MACF1: variants seen among roughly 807,000 people sequenced by gnomAD.
MACF1 encodes microtubule-actin cross-linking factor 1.
A neutral mutation model predicts 854.8 loss-of-function variants in MACF1; 193 were observed. That is an observed-to-expected ratio of 0.23 (90% CI 0.20 to 0.25). The LOEUF is 0.25. Among genes scored for constraint, MACF1 ranks in the 10% least tolerant of loss-of-function variants. The probability of loss-of-function intolerance (pLI) is 1.00; values close to 1 mark genes in which losing one functional copy is unlikely to be tolerated. For synonymous variants in MACF1, 3,185 were observed against 3,226.7 expected, an observed-to-expected ratio of 0.99 and a Z score of 0.44; for missense variants, 7,722 against 8,929.1, an observed-to-expected ratio of 0.86 and a Z score of 5.45.
At chr1:39,323,878 T>C (rs1646561079) in intron 33 of MACF1, among the ~76,000 whole-genome samples, 1 of 152,210 alleles carries the variant, frequency 6.6e-6, no homozygotes, top group African/African-American at 2.4e-5. Context: ...CTAAGAATTA[T>C]GAAAATGAGT....
chr1:39,178,311 G>GT (rs1644059596), intron 2 of MACF1, among the ~76,000 whole-genome samples: 1 of 150,884 alleles, frequency 6.6e-6, no homozygotes, highest in Non-Finnish European at 1.5e-5. Flanking sequence ...CATAATCTTA[G>GT]TACCTCACAG....
At chr1:39,472,534 G>C (rs1433365395) in intron 97 of MACF1, among the ~76,000 whole-genome samples, 1 of 152,162 alleles carries the variant, frequency 6.6e-6, no homozygotes, top group South Asian at 2.1e-4. Flanking sequence ...TGAAGAAAGA[G>C]CTTTCATTTC....
intron 2 of MACF1, among the ~76,000 whole-genome samples, chr1:39,100,655 A>G (rs778464889): frequency 1.3e-5 from 2 of 151,928 alleles, no homozygotes; most frequent in Non-Finnish European, 2.9e-5. Context: ...GGAGTTTGAG[A>G]CTAGCCTGGC....
intron 2 of MACF1, among the ~76,000 whole-genome samples, chr1:39,137,773 C>T (rs1157456821): frequency 6.6e-6 from 1 of 151,958 alleles, no homozygotes; most frequent in East Asian, 1.9e-4. Flanking sequence ...ACATACAAAA[C>T]TTAAAAAAAT....
intron 2 of MACF1, among the ~76,000 whole-genome samples, chr1:39,161,738 G>T (rs1375752120): frequency 6.6e-6 from 1 of 151,846 alleles, no homozygotes; most frequent in Admixed American, 6.6e-5. Context: ...GTGGTGGCGG[G>T]CGCCTGTAGT....
intron 2 of MACF1, chr1:39,103,621 C>A (rs189884759): frequency 6.6e-6 from 1 of 152,406 alleles, no homozygotes; most frequent in Admixed American, 6.5e-5. Flanking sequence ...CAAACTTATT[C>A]CCCTTCTTTT....
intron 95 of MACF1, among the ~76,000 whole-genome samples, chr1:39,466,321 TGACTCTG>T (rs1259441961): frequency 6.6e-5 from 10 of 152,182 alleles, no homozygotes; most frequent in Non-Finnish European, 1.3e-4. Context: ...CTACCACTTG[TGACTCTG>T]GCCTCAACTT....
chr1:39,441,697 T>G (rs1644121206), intron 74 of MACF1, among the ~76,000 whole-genome samples: 1 of 152,240 alleles, frequency 6.6e-6, no homozygotes, highest in Non-Finnish European at 1.5e-5. Flanking sequence ...TGAAAAATCT[T>G]CACTTTTATT....
chr1:39,178,789 C>G (rs1005447393), intron 2 of MACF1, among the ~76,000 whole-genome samples: 1 of 152,124 alleles, frequency 6.6e-6, no homozygotes, highest in African/African-American at 2.4e-5. Flanking sequence ...AATCAGGTGT[C>G]AGATTGGAAA....
rs933224601 is a variant in MACF1, at chr1:39,446,508, TG to T, written c.19606-918del. On this transcript the variant is annotated intron_variant, in intron 80 of 100. Coordinates refer to ENST00000564288, the MANE Select transcript of MACF1 (RefSeq NM_001394062.1). ...TTTATTGTAATTTTTTTTTTTTTGGTGGGGGGTGGTTACAAAAATAACCTGA... is the reference window on the plus strand; with the variant it reads ...TTTATTGTAATTTTTTTTTTTTTGGTGGGGGTGGTTACAAAAATAACCTGA... Among the ~76,000 whole-genome samples the T allele has an allele frequency of 6.6e-5, 10 of 150,522 alleles. No individual in the cohort carries two copies. In the East Asian group the frequency reaches 1.9e-3, roughly 29 times the overall value.
chr1:39,363,467 T>C (rs1648380873), intron 49 of MACF1, among the ~76,000 whole-genome samples: 1 of 152,202 alleles, frequency 6.6e-6, no homozygotes, highest in Admixed American at 6.5e-5. Flanking sequence ...GTATATTACG[T>C]AATCCTTTGC....
Position 39,334,635 on chromosome 1 carries a change from G to A in MACF1, c.8047G>A (p.Val2683Ile), listed in dbSNP as rs1557594231. The change falls in exon 37 of 101, where the codon GTT becomes ATT. Residue 2683 changes from valine to isoleucine, a missense_variant. Physicochemically the swap from Val to Ile is conservative, Grantham distance 29. Coordinates refer to ENST00000564288, the MANE Select transcript of MACF1 (RefSeq NM_001394062.1). ...GKVDFASTLK[V>I]LEAQANTGGI... is the part of the protein sequence containing the mutation. ...AGTAGACTTTGCATCTACGCTGAAG[G>A]TTCTAGAAGCCCAGGCAAATACTGG... is the stretch of plus-strand genomic sequence containing the variant. 2 of 1,614,070 alleles carry A rather than the reference G, an allele frequency of 1.2e-6. No homozygotes were observed. The highest frequency in any genetic ancestry group is 1.7e-5 in the Admixed American group (1 of 60,010).
rs767369566 is a variant in MACF1 at position 39,336,476 on chromosome 1, T to C, written c.9888T>C (p.Val3296=). 1.9e-6 allele frequency: 3 copies of C among 1,614,148 alleles called. No homozygotes were observed. In the South Asian group the frequency reaches 3.3e-5, roughly 18 times the overall value. Residue 3296 remains valine (V), a synonymous_variant, in exon 37 of 101, where the codon GTT becomes GTC. Coordinates refer to ENST00000564288, the MANE Select transcript of MACF1 (RefSeq NM_001394062.1). The part of the protein sequence containing the change: ...GQQNAIISPT[V]LETSEEKTVS... ...AGAATGCCATCATTAGTCCTACTGT[T>C]CTAGAGACCAGTGAAGAAAAGACAG...
At chr1:39,282,928 C>G (rs542146542) in intron 7 of MACF1, among the ~76,000 whole-genome samples, 1 of 152,128 alleles carries the variant, frequency 6.6e-6, no homozygotes, top group South Asian at 2.1e-4. Flanking sequence ...ATAAACATGC[C>G]CCAATTTTCA....
At chr1:39,445,085 T>C (rs1468444064) in intron 80 of MACF1, among the ~76,000 whole-genome samples, 2 of 152,242 alleles carry the variant, frequency 1.3e-5, no homozygotes, top group African/African-American at 4.8e-5. Flanking sequence ...ATGTCCTATA[T>C]TAATCACCAA....
chr1:39,150,515 C>T (rs1643557409), intron 2 of MACF1, among the ~76,000 whole-genome samples: 1 of 152,110 alleles, frequency 6.6e-6, no homozygotes, highest in South Asian at 2.1e-4. Flanking sequence ...TTCTTAAATA[C>T]TCAAACATAT....
rs901042824 is a variant in MACF1 at position 39,322,497 on chromosome 1, A to G, written c.4030-111A>G. 8.2e-6 allele frequency: 7 copies of G among 854,920 alleles called. 1 individual carries two copies. The highest frequency in any genetic ancestry group is 1.3e-5 in the Non-Finnish European group (7 of 519,466). 53.0% of individuals were successfully genotyped at this position (854,920 alleles called of 1,614,324 possible). On this transcript the variant is annotated intron_variant, in intron 31 of 100. Coordinates refer to ENST00000564288, the MANE Select transcript of MACF1 (RefSeq NM_001394062.1). ...TTACAGGAAAAGTTTGCTAACCTCC[A>G]GCATGAGTGGTCACCAAAACGCTTC...
rs556711390 is a variant in MACF1, at chr1:39,147,199, T to C, written c.220+62761T>C. ...TTTCTTCTTTCTCCTTTCTCGTCTC[T>C]CCTCTCCTCACCTTCCCCTTTTCCC... On this transcript the variant is annotated intron_variant, in intron 2 of 93. Coordinates refer to the MACF1 transcript ENST00000361689. Among the ~76,000 whole-genome samples, 6 of 150,740 alleles carry C rather than the reference T, an allele frequency of 4.0e-5. No individual in the cohort carries two copies. In the South Asian group the frequency reaches 1.1e-3, roughly 27 times the overall value.
At chr1:39,321,698 G>A (rs1439224011) in intron 31 of MACF1, among the ~76,000 whole-genome samples, 2 of 152,150 alleles carry the variant, frequency 1.3e-5, no homozygotes, top group African/African-American at 2.4e-5. Flanking sequence ...TCAAAGTGTT[G>A]TCTTTGAACC....
Sources: gnomAD v4.1 joint callset for allele counts (sites outside exome capture counted in the v4.1 genomes callset) on GRCh38, gnomAD v4.1.1 for gene constraint, MANE v1.5 for transcripts, NCBI Gene and HGNC (gene_info 2026-07-23, HGNC 2026-07-21) for gene names.